WIPF3: variants seen among roughly 807,000 people sequenced by gnomAD.
WIPF3 encodes the protein WAS/WASL interacting protein family member 3.
WIPF3 carries 33 observed loss-of-function variants against 38.9 expected under a neutral mutation model. The observed-to-expected ratio is 0.85, with a 90% confidence interval of 0.64 to 1.14. The LOEUF is 1.14. Among genes scored for constraint, WIPF3 ranks in the 50% most tolerant of loss-of-function variants. The pLI is 0.00. For synonymous variants in WIPF3, 324 were observed against 269.3 expected, an observed-to-expected ratio of 1.20 and a Z score of -1.99; for missense variants, 711 against 652.5, an observed-to-expected ratio of 1.09 and a Z score of -0.98.
chr7:29,888,936 G>T (rs1264589158), intron 6 of WIPF3, among the ~76,000 whole-genome samples: 1 of 152,200 alleles, frequency 6.6e-6, no homozygotes, highest in Non-Finnish European at 1.5e-5. Flanking sequence ...GCTTCAGGTT[G>T]CTGGGGCTTT....
Position 29,889,679 on chromosome 7 carries a change from C to T in WIPF3, c.1351+272C>T, listed in dbSNP as rs1785965627. 2.6e-5 allele frequency among the ~76,000 whole-genome samples: 4 copies of T among 152,312 alleles called. No homozygotes were observed. In the South Asian group the frequency reaches 8.3e-4, roughly 32 times the overall value. ...TAAACTTACCACTCATCTCTCTCCT[C>T]CCTGGGGCTTTTGATAAGGGAACTA... On this transcript the variant is annotated intron_variant, in intron 7 of 8. Transcript: ENST00000242140.
intron 2 of WIPF3, among the ~76,000 whole-genome samples, chr7:29,848,976 A>G (rs1785047141): frequency 6.6e-6 from 1 of 152,226 alleles, no homozygotes. Flanking sequence ...GGCAGAACCA[A>G]GGAAGGAGTT....
chr7:29,887,364 A>AGTG (rs1233129531), intron 5 of WIPF3, among the ~76,000 whole-genome samples: 5 of 152,240 alleles, frequency 3.3e-5, no homozygotes, highest in Non-Finnish European at 5.9e-5. Flanking sequence ...AATAAGCAGC[A>AGTG]GTGGAACCCC....
intron 1 of WIPF3, among the ~76,000 whole-genome samples, chr7:29,814,466 T>C (rs1013391304): frequency 6.6e-6 from 1 of 152,210 alleles, no homozygotes; most frequent in African/African-American, 2.4e-5. Context: ...GTCTAACAGA[T>C]AGAAGAAGCT....
intron 3 of WIPF3, among the ~76,000 whole-genome samples, chr7:29,876,404 C>T (rs1170151755): frequency 6.6e-6 from 1 of 152,156 alleles, no homozygotes; most frequent in African/African-American, 2.4e-5. Flanking sequence ...TAGTCCCTGG[C>T]CCTTGCCAAC....
intron 1 of WIPF3, among the ~76,000 whole-genome samples, chr7:29,829,023 C>G (rs1408290248): frequency 6.6e-6 from 1 of 152,108 alleles, no homozygotes; most frequent in Admixed American, 6.5e-5. Flanking sequence ...TCTCCCACTT[C>G]CAAATCTCTG....
chr7:29,871,123 G>A (rs1435144182), intron 2 of WIPF3, among the ~76,000 whole-genome samples: 2 of 152,226 alleles, frequency 1.3e-5, no homozygotes, highest in Non-Finnish European at 2.9e-5. Flanking sequence ...CATATGGGGT[G>A]CAGGGAACAC....
intron 4 of WIPF3, among the ~76,000 whole-genome samples, chr7:29,881,478 T>A (rs181098608): frequency 6.6e-6 from 1 of 152,330 alleles, no homozygotes; most frequent in Non-Finnish European, 1.5e-5. Flanking sequence ...CATGAAAATA[T>A]TTAAATTTCT....
chr7:29,865,201 G>A (rs756589500), intron 2 of WIPF3, among the ~76,000 whole-genome samples: 6 of 152,146 alleles, frequency 3.9e-5, no homozygotes, highest in Non-Finnish European at 7.3e-5. Flanking sequence ...AATCCCAACC[G>A]AGGTGATGGG....
intron 2 of WIPF3, among the ~76,000 whole-genome samples, chr7:29,852,046 G>A (rs1785107900): frequency 6.6e-6 from 1 of 151,500 alleles, no homozygotes; most frequent in Non-Finnish European, 1.5e-5. Flanking sequence ...TTGTTACCCA[G>A]GCTGCAGTAC....
chr7:29,888,662 T>A (rs1483813628), intron 6 of WIPF3, among the ~76,000 whole-genome samples: 1 of 152,124 alleles, frequency 6.6e-6, no homozygotes, highest in Non-Finnish European at 1.5e-5. Context: ...GAAAGTCACC[T>A]GGGGTCAGAT....
chr7:29,890,141 A>G (rs939015219), intron 7 of WIPF3, among the ~76,000 whole-genome samples: 7 of 152,114 alleles, frequency 4.6e-5, no homozygotes, highest in East Asian at 3.9e-4. Context: ...GGAGGATCAC[A>G]TGAGGCCAGG....
At chr7:29,869,906 C>A (rs1013782878) in intron 2 of WIPF3, among the ~76,000 whole-genome samples, 7 of 152,122 alleles carry the variant, frequency 4.6e-5, no homozygotes, top group Admixed American at 4.6e-4. Context: ...ACTCATGGTA[C>A]CCCGTGGAAA....
intron 2 of WIPF3, among the ~76,000 whole-genome samples, chr7:29,864,459 G>A (rs1298841517): frequency 1.3e-5 from 2 of 152,182 alleles, no homozygotes; most frequent in African/African-American, 2.4e-5. Flanking sequence ...GCGTTCAGTT[G>A]TGTAATCGTA....
chr7:29,857,587 G>T (rs1324092382), intron 2 of WIPF3, among the ~76,000 whole-genome samples: 2 of 152,050 alleles, frequency 1.3e-5, no homozygotes. Flanking sequence ...TCAGAGCTCT[G>T]CTTCCTATGG....
chr7:29,828,205 G>GA (rs200547118), intron 1 of WIPF3, among the ~76,000 whole-genome samples: 2 of 151,880 alleles, frequency 1.3e-5, no homozygotes, highest in East Asian at 1.9e-4. Flanking sequence ...TACTCTTGGA[G>GA]AAAAAAAAGA....
At chr7:29,891,060 G>C (rs1786006584) in intron 7 of WIPF3, among the ~76,000 whole-genome samples, 2 of 147,980 alleles carry the variant, frequency 1.4e-5, no homozygotes, top group South Asian at 4.3e-4. Context: ...GGCCTGCCTT[G>C]TGCTCAGGTG....
rs560277073 is a variant in WIPF3, at chr7:29,884,045, C to T, written c.551C>T (p.Pro184Leu). 873 of 1,426,128 alleles carry T rather than the reference C, an allele frequency of 6.1e-4. No homozygotes were observed. The highest frequency in any genetic ancestry group is 7.8e-4 in the Non-Finnish European group (829 of 1,069,172). The allele number at this position is 1,426,128 out of a possible 1,614,324, so 88.3% of individuals were successfully genotyped here. The stretch of plus-strand genomic sequence containing the variant: ...CCTCCCACCCCACCCCCTCCGCCTC[C>T]ACCCTTACCCCCGCCCCTTCCCTCT... ...PPPPTPPPPP[P>L]PLPPPLPSSS... is the part of the protein sequence containing the mutation. The change falls in exon 5 of 9, where the codon CCA becomes CTA. Residue 184 changes from proline to leucine, a missense_variant. Transcript: ENST00000242140.
At chr7:29,827,295 T>C (rs1784630705) in intron 1 of WIPF3, among the ~76,000 whole-genome samples, 1 of 152,066 alleles carries the variant, frequency 6.6e-6, no homozygotes, top group Admixed American at 6.6e-5. Context: ...GTCTCATAGG[T>C]TGGAAGTCCA....
Sources: allele counts gnomAD v4.1 joint callset (sites outside exome capture counted in the v4.1 genomes callset), GRCh38; gene constraint gnomAD v4.1.1; transcripts MANE v1.5; gene names NCBI Gene and HGNC (gene_info 2026-07-23, HGNC 2026-07-21).